COMMD1: variants seen among roughly 807,000 people sequenced by gnomAD.
The protein encoded by COMMD1 is COMM domain-containing protein 1.
Under a neutral mutation model 17.2 loss-of-function variants are expected in COMMD1, and 10 were observed. The observed-to-expected ratio is 0.58, with a 90% CI of 0.36 to 0.99. The LOEUF is 0.99. Among genes scored for constraint, COMMD1 ranks in the 50% least tolerant of loss-of-function variants. The probability of loss-of-function intolerance (pLI) is 0.01; values close to 1 mark genes in which losing one functional copy is unlikely to be tolerated. For synonymous variants in COMMD1, 97 were observed against 91.6 expected (o/e 1.06, Z -0.34); for missense variants, 270 against 231.8 (o/e 1.17, Z -1.07).
chr2:62,050,809 TTGACCTAGTCGAAGAACA>T (rs1175665168), intron 2 of COMMD1, among the ~76,000 whole-genome samples: 7 of 152,322 alleles, frequency 4.6e-5, no homozygotes, highest in Non-Finnish European at 1.0e-4. Flanking sequence ...GTTCTGAAAC[TTGACCTAGTCGAAGAACA>T]TGAACTTTTT....
chr2:62,012,345 G>A (rs959208251), intron 2 of COMMD1, among the ~76,000 whole-genome samples: 2 of 99,862 alleles, frequency 2.0e-5, no homozygotes, highest in African/African-American at 7.9e-5. Flanking sequence ...TTTTTTTTTT[G>A]AGATGGAGTC....
Position 61,968,913 on chromosome 2 carries a change from G to A in COMMD1, c.181-31788G>A, listed in dbSNP as rs80207683. On this transcript the variant is annotated intron_variant, in intron 1 of 2. Transcript: ENST00000311832. ...AATTTGAGATTTGATTCTCAGTAAC[G>A]AAACCAGTTTCAAGGGAAATCTTTA... 3.8e-3 allele frequency: 958 copies of A among 254,650 alleles called. 9 individuals carry two copies. Among genetic ancestry groups the A allele is most frequent in the African/African-American group, 0.021 (890 of 43,070 alleles). 15.8% of individuals were successfully genotyped at this position (254,650 alleles called of 1,614,324 possible).
At chr2:61,979,747 ATTTT>A (rs200234500) in intron 1 of COMMD1, among the ~76,000 whole-genome samples, 1 of 144,608 alleles carries the variant, frequency 6.9e-6, no homozygotes, top group African/African-American at 2.5e-5. Context: ...GATATAAGTC[ATTTT>A]TTTTTTTTTA....
chr2:61,974,671 CAAA>C (rs1276306424), intron 1 of COMMD1, among the ~76,000 whole-genome samples: 4 of 52,308 alleles, frequency 7.6e-5, no homozygotes, highest in Non-Finnish European at 8.0e-5. Flanking sequence ...GACTCCATCT[CAAA>C]AAAAAAAAAA....
rs11345736 is a variant in COMMD1 at position 62,109,919 on chromosome 2, CTTTTTTTTTTTTTT to C, written c.463-25900_463-25887del. Among the ~76,000 whole-genome samples the C allele has an allele frequency of 4.1e-5, 3 of 73,856 alleles. No individual in the cohort carries two copies. The Admixed American group carries it at 5.2e-4, about 13-fold the overall frequency. 48.5% of individuals were successfully genotyped at this position (73,856 alleles called of 152,430 possible). On this transcript the variant is annotated intron_variant, in intron 2 of 2. Transcript: ENST00000311832. ...AAGTATTAATCTACCTTATCTTGATCTTTTTTTTTTTTTTTTTTTTTTTTTGGTAGAGATGTGGT... is the reference window on the plus strand; with the variant it reads ...AAGTATTAATCTACCTTATCTTGATCTTTTTTTTTTTGGTAGAGATGTGGT...
chr2:62,129,212 A>G (rs1165106669), intron 2 of COMMD1, among the ~76,000 whole-genome samples: 3 of 152,176 alleles, frequency 2.0e-5, no homozygotes, highest in Admixed American at 6.5e-5. Flanking sequence ...AAAATAGGAA[A>G]TGAAGAAACG....
At chr2:61,933,909 A>G (rs1213776335) in intron 1 of COMMD1, among the ~76,000 whole-genome samples, 1 of 151,958 alleles carries the variant, frequency 6.6e-6, no homozygotes, top group Non-Finnish European at 1.5e-5. Flanking sequence ...GATTACAGGC[A>G]TGTGCCACAA....
chr2:62,059,248 T>C (rs1670790155), intron 2 of COMMD1, among the ~76,000 whole-genome samples: 1 of 151,300 alleles, frequency 6.6e-6, no homozygotes, highest in South Asian at 2.1e-4. Context: ...CTCTACCTCC[T>C]GGGCTAAGTG....
chr2:61,964,690 A>T (rs1671461689), intron 1 of COMMD1, among the ~76,000 whole-genome samples: 1 of 151,976 alleles, frequency 6.6e-6, no homozygotes, highest in Non-Finnish European at 1.5e-5. Flanking sequence ...CCCCGGTCTT[A>T]TATTTTTCAT....
At chr2:62,131,481 C>T (rs1673031817) in intron 2 of COMMD1, among the ~76,000 whole-genome samples, 1 of 152,182 alleles carries the variant, frequency 6.6e-6, no homozygotes, top group Non-Finnish European at 1.5e-5. Flanking sequence ...GCTTGATAAG[C>T]ATCACATCTG....
At chr2:61,963,118 C>A (rs1476546644) in intron 1 of COMMD1, among the ~76,000 whole-genome samples, 2 of 150,316 alleles carry the variant, frequency 1.3e-5, no homozygotes, top group African/African-American at 4.9e-5. Flanking sequence ...CGAGATCATG[C>A]CACTGTGCTC....
intron 2 of COMMD1, among the ~76,000 whole-genome samples, chr2:62,120,586 C>G (rs1672716412): frequency 6.6e-6 from 1 of 152,062 alleles, no homozygotes; most frequent in African/African-American, 2.4e-5. Flanking sequence ...GGTATGCTGT[C>G]CATTGTCATA....
intron 2 of COMMD1, among the ~76,000 whole-genome samples, chr2:62,125,889 G>A (rs1453514029): frequency 6.6e-6 from 1 of 152,092 alleles, no homozygotes; most frequent in Admixed American, 6.6e-5. Flanking sequence ...AGCCCAGCAT[G>A]CATTAGCTAT....
intron 1 of COMMD1, among the ~76,000 whole-genome samples, chr2:61,959,561 G>T (rs377763680): frequency 3.9e-5 from 6 of 152,114 alleles, no homozygotes; most frequent in Non-Finnish European, 5.9e-5. Flanking sequence ...AGTAAACTGA[G>T]ACAGAAAAAT....
At chr2:62,026,358 G>A (rs1025797683) in intron 2 of COMMD1, among the ~76,000 whole-genome samples, 4 of 152,062 alleles carry the variant, frequency 2.6e-5, no homozygotes, top group Admixed American at 1.3e-4. Flanking sequence ...TTCACATGGC[G>A]ATAGCAAGAA....
At chr2:62,056,249 C>T (rs1444494183) in intron 2 of COMMD1, among the ~76,000 whole-genome samples, 1 of 152,162 alleles carries the variant, frequency 6.6e-6, no homozygotes, top group African/African-American at 2.4e-5. Flanking sequence ...TTAAAATTAG[C>T]ATCCACATTT....
At chr2:62,012,449 G>A (rs1365106088) in intron 2 of COMMD1, among the ~76,000 whole-genome samples, 4 of 151,602 alleles carry the variant, frequency 2.6e-5, no homozygotes, top group Non-Finnish European at 5.9e-5. Flanking sequence ...CTCCTGAGTA[G>A]CTGGGATTAC....
intron 2 of COMMD1, chr2:62,118,252 T>C (rs1672655881): frequency 6.6e-6 from 1 of 152,236 alleles, no homozygotes; most frequent in South Asian, 2.1e-4. Flanking sequence ...GATCTCTTCC[T>C]GTTTAACAGT....
At chr2:62,010,910 T>C (rs1669259165) in intron 2 of COMMD1, among the ~76,000 whole-genome samples, 1 of 152,198 alleles carries the variant, frequency 6.6e-6, no homozygotes, top group African/African-American at 2.4e-5. Context: ...TCAGAAAATA[T>C]ATTCATGGCT....
Sources: gnomAD v4.1 joint callset for allele counts (sites outside exome capture counted in the v4.1 genomes callset) on GRCh38, gnomAD v4.1.1 for gene constraint, MANE v1.5 for transcripts, NCBI Gene and HGNC (gene_info 2026-07-23, HGNC 2026-07-21) for gene names.